Variants in IL1RAPL1 observed in about 807,000 individuals in gnomAD.
IL1RAPL1 encodes interleukin-1 receptor accessory protein-like 1.
IL1RAPL1 carries 3 observed loss-of-function variants against 48.4 expected under a neutral mutation model. The ratio of observed to expected loss-of-function variants is 0.06; its 90% CI spans 0.03 to 0.16. IL1RAPL1 has a LOEUF of 0.16. Ranked by LOEUF, IL1RAPL1 falls within the 10% of genes least tolerant of loss-of-function variation. IL1RAPL1 has a pLI of 1.00. For synonymous variants in IL1RAPL1, 185 were observed against 187.7 expected, an observed-to-expected ratio of 0.99 and a Z score of 0.12; for missense variants, 349 against 530.6, an observed-to-expected ratio of 0.66 and a Z score of 3.36.
chrX:29,201,754 C>A (rs59861406), intron 2 of IL1RAPL1, among the ~76,000 whole-genome samples: 1 of 109,083 alleles, frequency 9.2e-6, no homozygotes, highest in East Asian at 2.9e-4. Context: ...TGCAATGGCA[C>A]GCTCTCGGCT....
intron 6 of IL1RAPL1, among the ~76,000 whole-genome samples, chrX:29,685,433 G>T (rs1413900067): frequency 9.0e-6 from 1 of 111,016 alleles, no homozygotes; most frequent in Non-Finnish European, 1.9e-5. Context: ...ATACCGGGAT[G>T]CAGAGGCTGC....
intron 2 of IL1RAPL1, among the ~76,000 whole-genome samples, chrX:28,966,149 T>C: frequency 8.9e-6 from 1 of 112,234 alleles, no homozygotes; most frequent in Non-Finnish European, 1.9e-5. Context: ...GCAATTTTTG[T>C]TAGAATAAGC....
At chrX:29,145,555 C>T (rs746581235) in intron 2 of IL1RAPL1, among the ~76,000 whole-genome samples, 1 of 111,755 alleles carries the variant, frequency 8.9e-6, no homozygotes, top group Admixed American at 9.5e-5. Flanking sequence ...CACTGAATCT[C>T]ATGGCTTTAA....
chrX:29,830,449 C>CTT (rs201355062), intron 6 of IL1RAPL1, among the ~76,000 whole-genome samples: 4 of 97,316 alleles, frequency 4.1e-5, no homozygotes, highest in African/African-American at 1.1e-4. Context: ...AATTCTGACT[C>CTT]TTTTTTTTTT....
chrX:29,349,152 A>C (rs1169889914), intron 3 of IL1RAPL1, among the ~76,000 whole-genome samples: 1 of 112,553 alleles, frequency 8.9e-6, no homozygotes, highest in Non-Finnish European at 1.9e-5. Context: ...ATATGACTGG[A>C]CAAAAATGAT....
intron 5 of IL1RAPL1, among the ~76,000 whole-genome samples, chrX:29,504,528 T>C (rs1412164390): frequency 8.9e-6 from 1 of 112,072 alleles, no homozygotes; most frequent in East Asian, 2.8e-4. Flanking sequence ...GTTGGGTAAA[T>C]AGGTATTTAT....
intron 1 of IL1RAPL1, among the ~76,000 whole-genome samples, chrX:28,721,005 T>C (rs1935568775): frequency 8.9e-6 from 1 of 112,395 alleles, no homozygotes; most frequent in African/African-American, 3.2e-5. Context: ...TGATGGACAT[T>C]TGGGTTGGTT....
At chrX:28,707,936 T>C (rs921800351) in intron 1 of IL1RAPL1, among the ~76,000 whole-genome samples, 5 of 111,817 alleles carry the variant, frequency 4.5e-5, no homozygotes, top group African/African-American at 1.6e-4. Flanking sequence ...AATGTGTTAG[T>C]GCGGTTGGCA....
intron 3 of IL1RAPL1, among the ~76,000 whole-genome samples, chrX:29,324,831 A>G (rs976478414): frequency 2.7e-4 from 30 of 111,484 alleles, no homozygotes; most frequent in African/African-American, 7.8e-4. Flanking sequence ...CTGTGCCTCA[A>G]TATAATCAAT....
intron 6 of IL1RAPL1, among the ~76,000 whole-genome samples, chrX:29,915,290 C>T (rs1414892801): frequency 9.0e-6 from 1 of 111,690 alleles, no homozygotes; most frequent in Non-Finnish European, 1.9e-5. Flanking sequence ...GAGGAAGACT[C>T]TGTCTCTGGG....
chrX:29,284,153 A>G (rs968023643), intron 3 of IL1RAPL1, among the ~76,000 whole-genome samples: 1 of 112,054 alleles, frequency 8.9e-6, no homozygotes, highest in African/African-American at 3.2e-5. Flanking sequence ...AGAATCACCT[A>G]GTGTCTTTTT....
At chrX:28,776,902 T>G (rs1936368256) in intron 1 of IL1RAPL1, among the ~76,000 whole-genome samples, 1 of 112,055 alleles carries the variant, frequency 8.9e-6, no homozygotes, top group African/African-American at 3.2e-5. Context: ...AGATATGAAC[T>G]TGTAGATAAT....
intron 2 of IL1RAPL1, among the ~76,000 whole-genome samples, chrX:28,855,343 C>T (rs910858521): frequency 9.1e-6 from 1 of 110,332 alleles, no homozygotes; most frequent in East Asian, 2.9e-4. Flanking sequence ...TAATTACTTC[C>T]GTCCTGTCTG....
At chrX:29,941,589 T>G in intron 8 of IL1RAPL1, 62 bp from the exon 9 acceptor site, 1 of 1,121,543 alleles carries the variant, frequency 8.9e-7, no homozygotes, top group Non-Finnish European at 1.2e-6. Flanking sequence ...TCAAACTGAG[T>G]TTAATTTATG....
intron 1 of IL1RAPL1, among the ~76,000 whole-genome samples, chrX:28,606,127 T>G (rs1314735013): frequency 8.9e-6 from 1 of 111,935 alleles, no homozygotes; most frequent in Non-Finnish European, 1.9e-5. Flanking sequence ...GAGTTTAAGC[T>G]CCACAAGAGC....
intron 6 of IL1RAPL1, among the ~76,000 whole-genome samples, chrX:29,735,601 A>T (rs1008625841): frequency 3.6e-5 from 4 of 111,621 alleles, no homozygotes; most frequent in African/African-American, 1.3e-4. Context: ...TTTCAATTGG[A>T]ATAAGTTCCA....
At chrX:29,291,318 AC>A (rs1229553371) in intron 3 of IL1RAPL1, among the ~76,000 whole-genome samples, 1 of 112,096 alleles carries the variant, frequency 8.9e-6, no homozygotes, top group Non-Finnish European at 1.9e-5. Context: ...CAGAGCAGTC[AC>A]TGGCCCATGG....
At chrX:29,803,505 GTGTATATA>G (rs201536628) in intron 6 of IL1RAPL1, among the ~76,000 whole-genome samples, 1,179 of 91,575 alleles carry the variant, frequency 0.013, 18 homozygotes, top group African/African-American at 0.047. Flanking sequence ...GTATACATAT[GTGTATATA>G]TGTATATATG....
chrX:29,220,889 G>A (rs1330758845), intron 2 of IL1RAPL1, among the ~76,000 whole-genome samples: 1 of 111,590 alleles, frequency 9.0e-6, no homozygotes. Flanking sequence ...TGAGGTAATG[G>A]CTAGGCATTA....
Sources: gnomAD v4.1 joint callset for allele counts (sites outside exome capture counted in the v4.1 genomes callset) on GRCh38, gnomAD v4.1.1 for gene constraint, MANE v1.5 for transcripts, NCBI Gene and HGNC (gene_info 2026-07-23, HGNC 2026-07-21) for gene names.